BEGAIN: variants seen among roughly 807,000 people sequenced by gnomAD.
BEGAIN encodes brain enriched guanylate kinase associated.
BEGAIN carries 19 observed loss-of-function variants against 35.8 expected under a neutral mutation model. The observed-to-expected ratio is 0.53, with a 90% CI of 0.37 to 0.78. BEGAIN has a LOEUF of 0.78. Ranked by LOEUF, BEGAIN falls within the 30% of genes least tolerant of loss-of-function variation. The pLI is 0.00. For missense variants in BEGAIN, 795 were observed against 853.6 expected (o/e 0.93, Z 0.85); for synonymous variants, 462 against 388.6 (o/e 1.19, Z -2.22).
intron 2 of BEGAIN, among the ~76,000 whole-genome samples, chr14:100,557,081 G>T (rs946479831): frequency 7.9e-6 from 1 of 125,948 alleles, no homozygotes. Flanking sequence ...AGCCACACCC[G>T]AGTCAGGGCG....
chr14:100,540,925 C>G (rs1010376228), intron 5 of BEGAIN, among the ~76,000 whole-genome samples: 1 of 152,226 alleles, frequency 6.6e-6, no homozygotes, highest in African/African-American at 2.4e-5. Context: ...TAGAGCAGGC[C>G]TGGTCTCCCT....
At chr14:100,579,080 C>T (rs377596502) in intron 1 of BEGAIN, among the ~76,000 whole-genome samples, 8 of 152,274 alleles carry the variant, frequency 5.3e-5, no homozygotes, top group African/African-American at 1.2e-4. Context: ...AGGCTAGTCT[C>T]GAACTCCTGA....
rs2031407793 is a variant in BEGAIN at position 100,540,355 on chromosome 14, A to G, written c.492+141T>C. On this transcript the variant is annotated intron_variant, in intron 6 of 6. Transcript: ENST00000554140. ...GGCCCCTCCAATGTCATGACCCCAC[A>G]GGAGCGAGGGGGACAGAGGAGGCTC... is the stretch of plus-strand genomic sequence containing the variant. The G allele has an allele frequency of 1.7e-5, 12 of 690,934 alleles. No individual in the cohort carries two copies. The South Asian group carries it at 2.1e-4, about 12-fold the overall frequency. The allele number at this position is 690,934 out of a possible 1,614,324, so 42.8% of individuals were successfully genotyped here. A position where few individuals can be genotyped will look rare whatever the true frequency, so the allele number is the denominator to read the frequency against.
intron 1 of BEGAIN, among the ~76,000 whole-genome samples, chr14:100,582,239 G>A (rs1002478557): frequency 8.5e-5 from 13 of 152,154 alleles, no homozygotes; most frequent in African/African-American, 1.2e-4. Context: ...CTGACTCCCC[G>A]GTTTAAGCGA....
At chr14:100,547,881 C>T (rs1400387975) in intron 2 of BEGAIN, 1 of 152,164 alleles carries the variant, frequency 6.6e-6, no homozygotes, top group African/African-American at 2.4e-5. Flanking sequence ...TCCCAGTCCC[C>T]CTGGGGCCAC....
intron 5 of BEGAIN, among the ~76,000 whole-genome samples, chr14:100,543,405 G>T (rs2031932106): frequency 6.6e-6 from 1 of 152,018 alleles, no homozygotes; most frequent in Non-Finnish European, 1.5e-5. Context: ...AGCTGTCCAG[G>T]GTCTGTGGAG....
chr14:100,547,604 T>C (rs1595117113), intron 2 of BEGAIN: 1 of 152,128 alleles, frequency 6.6e-6, no homozygotes, highest in African/African-American at 2.4e-5. Context: ...TGGGTCAGAG[T>C]GGGGTCAGCA....
rs529546763 is a variant in BEGAIN, at chr14:100,578,856, C to CTTTT, written c.42+8389_42+8392dup. On this transcript the variant is annotated intron_variant, in intron 1 of 6. Coordinates refer to ENST00000554140, the MANE Select transcript of BEGAIN (RefSeq NM_001385089.1). ...AGCCTTGCATCATCTGCCTCTGGTA[C>CTTTT]TTTTTTTTTTTTTTTTTTTTCTGAG... Among the ~76,000 whole-genome samples the CTTTT allele has an allele frequency of 6.0e-4, 76 of 126,986 alleles. 1 individual carries two copies. The highest frequency in any genetic ancestry group is 3.9e-3 in the Admixed American group (46 of 11,786). The allele number at this position is 126,986 out of a possible 152,430, so 83.3% of individuals were successfully genotyped here. A position where few individuals can be genotyped will look rare whatever the true frequency, so the allele number is the denominator to read the frequency against.
intron 2 of BEGAIN, among the ~76,000 whole-genome samples, chr14:100,551,362 C>T (rs981441285): frequency 6.6e-6 from 1 of 152,188 alleles, no homozygotes; most frequent in African/African-American, 2.4e-5. Context: ...CAGCCCTGCT[C>T]ACCCTGCGCC....
Position 100,538,255 on chromosome 14 carries a change from A to AG in BEGAIN, c.1552dup (p.Leu518ProfsTer10). 6.4e-7 allele frequency: 1 copy of AG among 1,566,472 alleles called. No individual in the cohort carries two copies. Among genetic ancestry groups the AG allele is most frequent in the Non-Finnish European group, 8.6e-7 (1 of 1,164,392 alleles). The stretch of plus-strand genomic sequence containing the variant: ...AGCCGAGCGGCCGGGACTGAGGCTC[A>AG]GGTCGCCGCCCGCCCGCAGGAAGCA... On this transcript the variant is annotated frameshift_variant, in exon 7 of 7. Transcript: ENST00000554140. LOFTEE classifies it high-confidence loss of function.
At chr14:100,575,598 CT>C (rs1414184673) in intron 1 of BEGAIN, among the ~76,000 whole-genome samples, 1 of 152,124 alleles carries the variant, frequency 6.6e-6, no homozygotes, top group Middle Eastern at 3.2e-3. Context: ...AGCTGAGGGG[CT>C]CAGAGTTGGT....
chr14:100,562,020 G>A (rs1302289095), intron 2 of BEGAIN, among the ~76,000 whole-genome samples: 1 of 152,178 alleles, frequency 6.6e-6, no homozygotes, highest in Admixed American at 6.5e-5. Flanking sequence ...AGAAATCAAA[G>A]TGAGGCAGTC....
Position 100,563,243 on chromosome 14 carries a change from A to G in BEGAIN, c.71+4668T>C, listed in dbSNP as rs2034427385. Among the ~76,000 whole-genome samples, 1 of 152,220 alleles carries G rather than the reference A, an allele frequency of 6.6e-6. No homozygotes were observed. The highest frequency in any genetic ancestry group is 1.5e-5 in the Non-Finnish European group (1 of 68,036). On this transcript the variant is annotated intron_variant, in intron 2 of 6. Coordinates refer to ENST00000554140, the MANE Select transcript of BEGAIN (RefSeq NM_001385089.1). This position sits in a 1 kb window ranked among gnomAD's most constrained non-coding sequence, Gnocchi z 4.2. ...ACCTGGGTGTCCTTGTGCAAAACCA[A>G]AACCAGAACCAAAAAGGAGCTCAAC...
chr14:100,574,518 G>GTT (rs34762708), intron 1 of BEGAIN, among the ~76,000 whole-genome samples: 20 of 137,122 alleles, frequency 1.5e-4, no homozygotes, highest in South Asian at 4.7e-4. Flanking sequence ...CTGCACAAAG[G>GTT]TTTTTTTTTT....
At chr14:100,580,607 C>T (rs1287518667) in intron 1 of BEGAIN, among the ~76,000 whole-genome samples, 1 of 152,190 alleles carries the variant, frequency 6.6e-6, no homozygotes, top group Non-Finnish European at 1.5e-5. Context: ...CCCAGTTTCA[C>T]AGCCTGTCCC....
intron 1 of BEGAIN, among the ~76,000 whole-genome samples, chr14:100,580,388 G>A (rs1265071152): frequency 6.6e-6 from 1 of 152,136 alleles, no homozygotes; most frequent in Non-Finnish European, 1.5e-5. Flanking sequence ...TACACTGCAA[G>A]GCCCTGACAA....
intron 6 of BEGAIN, 187 bp downstream of exon 6, chr14:100,540,309 G>T: frequency 1.7e-6 from 1 of 594,832 alleles, no homozygotes; most frequent in South Asian, 2.0e-5. Flanking sequence ...GCCCGGCTGC[G>T]TGAGGTGGGG....
At chr14:100,580,354 AC>A (rs1942718343) in intron 1 of BEGAIN, among the ~76,000 whole-genome samples, 2 of 152,102 alleles carry the variant, frequency 1.3e-5, no homozygotes, top group Non-Finnish European at 2.9e-5. Context: ...AGGCCAGGTG[AC>A]TAGACAACGT....
intron 1 of BEGAIN, among the ~76,000 whole-genome samples, chr14:100,582,471 C>T (rs919497551): frequency 6.6e-6 from 1 of 152,192 alleles, no homozygotes; most frequent in Non-Finnish European, 1.5e-5. Context: ...TCCCCTTTTG[C>T]AGTTGAGGAC....
Sources: allele counts gnomAD v4.1 joint callset (sites outside exome capture counted in the v4.1 genomes callset), GRCh38; gene constraint gnomAD v4.1.1; non-coding constraint Gnocchi (gnomAD v3.1); transcripts MANE v1.5; gene names NCBI Gene and HGNC (gene_info 2026-07-23, HGNC 2026-07-21).